The following TTC4 variants were observed in gnomAD, a reference collection of about 807,000 sequenced individuals.
TTC4 encodes the protein hsp70/Hsp90 co-chaperone CNS1 homolog.
Under a neutral mutation model 51.9 loss-of-function variants are expected in TTC4, and 36 were observed. That is an observed-to-expected ratio of 0.69 (90% CI 0.53 to 0.92). The LOEUF is 0.92. TTC4 is among the 40% of genes least tolerant of loss of function. The pLI is 0.00. For synonymous variants in TTC4, 144 were observed against 164.2 expected (o/e 0.88, Z 0.94); for missense variants, 399 against 454.6 (o/e 0.88, Z 1.11).
intron 9 of TTC4, among the ~76,000 whole-genome samples, chr1:54,740,407 G>A (rs1205982709): frequency 2.0e-5 from 3 of 152,060 alleles, no homozygotes; most frequent in Non-Finnish European, 1.5e-5. Flanking sequence ...GTTTTGCTCT[G>A]GTCCCAAATC....
chr1:54,728,982 CT>C (rs1405292853), intron 6 of TTC4, among the ~76,000 whole-genome samples: 1 of 152,124 alleles, frequency 6.6e-6, no homozygotes, highest in Non-Finnish European at 1.5e-5. Flanking sequence ...GAAATTTCAC[CT>C]TTTTACTTAA....
chr1:54,737,908 C>CT (rs368498132), intron 9 of TTC4, among the ~76,000 whole-genome samples: 10,715 of 151,260 alleles, frequency 0.071, 460 homozygotes, highest in African/African-American at 0.12. Flanking sequence ...GGAAAACTCC[C>CT]TTTTTTTTTG....
chr1:54,717,404 A>C, intron 2 of TTC4, 88 bp from the exon 3 acceptor site: 1 of 1,247,404 alleles, frequency 8.0e-7, no homozygotes, highest in Non-Finnish European at 1.1e-6. Flanking sequence ...GGTGTGTCAT[A>C]TAGTACATTA....
chr1:54,737,544 C>CT, intron 8 of TTC4, 38 bp from the exon 9 acceptor site: 1 of 1,604,264 alleles, frequency 6.2e-7, no homozygotes, highest in East Asian at 2.2e-5. Context: ...CTGCCGAAGC[C>CT]TTTATCTCTG....
In TTC4 at chr1:54,742,553, TGA is replaced by T. The variant is rs1277728390; in HGVS notation, c.*1046_*1047del. The stretch of plus-strand genomic sequence containing the variant: ...CTGCAGCCACTGAGTGTCACAGCAA[TGA>T]GAGAGCAATGTTTGCTGTAGTAAGC... On this transcript the variant is annotated 3_prime_UTR_variant, in exon 10 of 10. Coordinates refer to ENST00000371281, the MANE Select transcript of TTC4 (RefSeq NM_004623.5). 1 of 152,256 alleles carries T rather than the reference TGA, an allele frequency of 6.6e-6. No homozygotes were observed. The highest frequency in any genetic ancestry group is 1.5e-5 in the Non-Finnish European group (1 of 68,064). 9.4% of individuals were successfully genotyped at this position (152,256 alleles called of 1,614,324 possible). A position where few individuals can be genotyped will look rare whatever the true frequency, so the allele number is the denominator to read the frequency against.
intron 1 of TTC4, 198 bp downstream of exon 1, chr1:54,716,217 C>T (rs1438420853): frequency 3.4e-6 from 2 of 589,960 alleles, no homozygotes; most frequent in East Asian, 2.9e-5. Context: ...GGAGTCAGGC[C>T]TGTGACTCCA....
chr1:54,716,633 G>C lies in TTC4; in HGVS notation c.145G>C (p.Ala49Pro). ...AAAGGTCCCCCTATTTATGTCGAGA[G>C]CGCCATCAGAAATTGATCCCAGGGA... The part of the protein sequence containing the change: ...FEKVPLFMSR[A>P]PSEIDPRENP... The change falls in exon 2 of 10, where the codon GCG becomes CCG. Residue 49 changes from alanine (A) to proline (P), a missense_variant. Transcript: ENST00000371281. 1 of 1,613,612 alleles carries C rather than the reference G, an allele frequency of 6.2e-7. No individual in the cohort carries two copies. Among genetic ancestry groups the C allele is most frequent in the Non-Finnish European group, 8.5e-7 (1 of 1,179,958 alleles).
chr1:54,736,206 GAGAGAGAGA>G (rs1329436146), intron 8 of TTC4, among the ~76,000 whole-genome samples: 9 of 133,386 alleles, frequency 6.7e-5, no homozygotes, highest in African/African-American at 1.6e-4. Flanking sequence ...GAGAGAGAGA[GAGAGAGAGA>G]GAGAGAGAAG....
intron 4 of TTC4, among the ~76,000 whole-genome samples, chr1:54,721,600 G>C (rs1645744132): frequency 6.6e-6 from 1 of 152,122 alleles, no homozygotes; most frequent in Admixed American, 6.5e-5. Flanking sequence ...TGATGACTTT[G>C]GTGCTGAGAT....
chr1:54,732,953 G>A lies in TTC4; in HGVS notation c.897-676G>A, dbSNP rs562498713. ...ATATAAAAAATTAGCCGGGCATGGT[G>A]GTGCATGCCTGTAGTCCCAGCTGTC... On this transcript the variant is annotated intron_variant, in intron 7 of 9. Transcript: ENST00000371281. 2.0e-5 allele frequency among the ~76,000 whole-genome samples: 3 copies of A among 152,026 alleles called. No homozygotes were observed. The South Asian group carries it at 6.2e-4, about 32-fold the overall frequency.
At chr1:54,730,471 G>T (rs1379625732) in intron 6 of TTC4, among the ~76,000 whole-genome samples, 2 of 152,160 alleles carry the variant, frequency 1.3e-5, no homozygotes, top group Non-Finnish European at 2.9e-5. Flanking sequence ...ACTTATGGCT[G>T]TTTTCACACT....
chr1:54,718,557 G>T (rs1275874483), intron 3 of TTC4, among the ~76,000 whole-genome samples: 2 of 152,058 alleles, frequency 1.3e-5, no homozygotes, highest in Non-Finnish European at 2.9e-5. Context: ...GATTGAGGAA[G>T]TTTGGAAAAT....
chr1:54,741,511 TGAC>T lies in TTC4; in HGVS notation c.1163_*1del. 1 of 1,613,790 alleles carries T rather than the reference TGAC, an allele frequency of 6.2e-7. No individual in the cohort carries two copies. The highest frequency in any genetic ancestry group is 1.1e-5 in the South Asian group (1 of 91,070). On this transcript the variant is annotated stop_lost and 3_prime_UTR_variant, in exon 10 of 10. Transcript: ENST00000371281. ...GGGGAGAAAGGTGTACCAGATACGA[TGAC>T]TAAGCCAGGGCCCCTGGATCTCCTC...
chr1:54,717,738 G>A, intron 3 of TTC4, 85 bp downstream of exon 3: 1 of 1,265,982 alleles, frequency 7.9e-7, no homozygotes. Context: ...ATCAGAGGAT[G>A]AGGGGCTGTT....
chr1:54,725,229 A>G (rs1369696792), intron 5 of TTC4, among the ~76,000 whole-genome samples: 4 of 152,194 alleles, frequency 2.6e-5, no homozygotes, highest in Non-Finnish European at 5.9e-5. Context: ...TTTTTTACAT[A>G]GGGCCAGAAA....
At chr1:54,737,350 GT>G (rs1331506695) in intron 8 of TTC4, 4 of 468,498 alleles carry the variant, frequency 8.5e-6, no homozygotes, top group Non-Finnish European at 1.5e-5. Context: ...TTGGCAAGTT[GT>G]TGTTCTTCTC....
At chr1:54,736,424 C>T (rs778917363) in intron 8 of TTC4, among the ~76,000 whole-genome samples, 7 of 147,894 alleles carry the variant, frequency 4.7e-5, no homozygotes, top group South Asian at 2.2e-4. Flanking sequence ...GGCTGGAGTG[C>T]GGTAGGGAGA....
At chr1:54,729,485 G>A (rs1176188550) in intron 6 of TTC4, among the ~76,000 whole-genome samples, 2 of 152,136 alleles carry the variant, frequency 1.3e-5, no homozygotes, top group Admixed American at 1.3e-4. Flanking sequence ...TGTTAGAGCC[G>A]GGTCCTTGCT....
chr1:54,727,055 C>CAAAAAAAAAAAAAAAAA (rs56739564), intron 5 of TTC4, among the ~76,000 whole-genome samples: 1 of 102,918 alleles, frequency 9.7e-6, no homozygotes, highest in Non-Finnish European at 2.2e-5. Flanking sequence ...TCATGAAAGA[C>CAAAAAAAAAAAAAAAAA]AAAAAAAAAA....
Sources: gnomAD v4.1 joint callset for allele counts (sites outside exome capture counted in the v4.1 genomes callset) on GRCh38, gnomAD v4.1.1 for gene constraint, MANE v1.5 for transcripts, NCBI Gene and HGNC (gene_info 2026-07-23, HGNC 2026-07-21) for gene names.